Variants in MIPOL1 observed in about 807,000 individuals in gnomAD.
MIPOL1 encodes the protein mirror-image polydactyly gene 1 protein.
Under a neutral mutation model 60.9 loss-of-function variants are expected in MIPOL1, and 57 were observed. The observed-to-expected ratio is 0.94, with a 90% CI of 0.76 to 1.17. The LOEUF is 1.17. Ranked by LOEUF, MIPOL1 falls within the 50% of genes most tolerant of loss-of-function variation. The probability of loss-of-function intolerance (pLI) is 0.00; values close to 1 mark genes in which losing one functional copy is unlikely to be tolerated. For missense variants in MIPOL1, 551 were observed against 511.6 expected, an observed-to-expected ratio of 1.08 and a Z score of -0.74; for synonymous variants, 179 against 168.8, an observed-to-expected ratio of 1.06 and a Z score of -0.47.
At chr14:37,293,426 A>C (rs8018271) in intron 7 of MIPOL1, among the ~76,000 whole-genome samples, 1 of 152,064 alleles carries the variant, frequency 6.6e-6, no homozygotes, top group Non-Finnish European at 1.5e-5. Flanking sequence ...CTGAGGTACC[A>C]GGTTCATCTC....
intron 3 of MIPOL1, among the ~76,000 whole-genome samples, chr14:37,248,634 A>C (rs59526910): frequency 2.0e-5 from 3 of 151,814 alleles, no homozygotes; most frequent in Non-Finnish European, 2.9e-5. Flanking sequence ...ATCTATATCT[A>C]TATATATATC....
At chr14:37,495,376 C>T (rs1267424190) in intron 11 of MIPOL1, among the ~76,000 whole-genome samples, 26 of 147,136 alleles carry the variant, frequency 1.8e-4, no homozygotes, top group Non-Finnish European at 2.8e-4. Context: ...TGAGACTATG[C>T]GGTGTTTGGT....
intron 10 of MIPOL1, among the ~76,000 whole-genome samples, chr14:37,373,574 C>T (rs1328685228): frequency 1.3e-5 from 2 of 151,872 alleles, no homozygotes; most frequent in Non-Finnish European, 2.9e-5. Flanking sequence ...GTGTGATGGT[C>T]CCCTCCCTGT....
At chr14:37,217,843 C>G (rs1395693761) in intron 1 of MIPOL1, among the ~76,000 whole-genome samples, 1 of 152,124 alleles carries the variant, frequency 6.6e-6, no homozygotes, top group African/African-American at 2.4e-5. Flanking sequence ...ATAAGGATGC[C>G]CACTTTCACC....
chr14:37,503,792 A>G (rs1028970868), intron 12 of MIPOL1: 1 of 152,244 alleles, frequency 6.6e-6, no homozygotes, highest in Non-Finnish European at 1.5e-5. Flanking sequence ...AAATGCCCCA[A>G]TTAAAAGACA....
intron 10 of MIPOL1, among the ~76,000 whole-genome samples, chr14:37,393,506 C>T (rs892565392): frequency 6.6e-6 from 1 of 150,852 alleles, no homozygotes; most frequent in Non-Finnish European, 1.5e-5. Context: ...AACATCAAAC[C>T]TGGGTGGTTC....
chr14:37,219,072 C>T (rs1028400201), intron 1 of MIPOL1, among the ~76,000 whole-genome samples: 1 of 152,028 alleles, frequency 6.6e-6, no homozygotes, highest in African/African-American at 2.4e-5. Context: ...TGAGCATAGG[C>T]AAATGGGACT....
intron 1 of MIPOL1, among the ~76,000 whole-genome samples, chr14:37,200,856 G>C (rs1045725822): frequency 0.022 from 936 of 43,144 alleles, 16 homozygotes; most frequent in African/African-American, 0.13. Context: ...ATCTATGTGT[G>C]TGTGTGTGTG....
chr14:37,474,222 A>G (rs113050317), intron 11 of MIPOL1, among the ~76,000 whole-genome samples: 3,218 of 152,286 alleles, frequency 0.021, 100 homozygotes, highest in African/African-American at 0.072. Context: ...AAACTAGTAT[A>G]AACATACTTG....
intron 12 of MIPOL1, among the ~76,000 whole-genome samples, chr14:37,525,589 A>T (rs780715252): frequency 2.6e-5 from 4 of 152,192 alleles, no homozygotes; most frequent in Admixed American, 2.0e-4. Context: ...CCTTGGGTTT[A>T]TGTGTGTTTC....
chr14:37,232,952 A>G (rs898554318), intron 1 of MIPOL1, among the ~76,000 whole-genome samples: 1 of 152,218 alleles, frequency 6.6e-6, no homozygotes, highest in African/African-American at 2.4e-5. Context: ...CTAAGTGAGT[A>G]TATAAGTCTT....
In MIPOL1 at chr14:37,378,682, A is replaced by G. The variant is rs145266219; in HGVS notation, c.936+9058A>G. Among the ~76,000 whole-genome samples the G allele has an allele frequency of 3.2e-3, 490 of 151,660 alleles. 3 individuals are homozygous for G. Among genetic ancestry groups the G allele is most frequent in the Middle Eastern group, 0.01 (3 of 294 alleles). ...AAGGAAAGAATGTAAGAAGGAAGGG[A>G]TGAAAGAAAAGAGAGGGAGGGACGG... On this transcript the variant is annotated intron_variant, in intron 10 of 12. Coordinates refer to ENST00000684589, the MANE Select transcript of MIPOL1 (RefSeq NM_001388067.1).
At chr14:37,416,768 G>A (rs2093777765) in intron 10 of MIPOL1, among the ~76,000 whole-genome samples, 1 of 152,102 alleles carries the variant, frequency 6.6e-6, no homozygotes, top group African/African-American at 2.4e-5. Context: ...ACCGTAAACA[G>A]CAAGACCTCT....
intron 11 of MIPOL1, among the ~76,000 whole-genome samples, chr14:37,471,774 T>TG (rs2094692502): frequency 6.6e-6 from 1 of 152,180 alleles, no homozygotes; most frequent in South Asian, 2.1e-4. Flanking sequence ...TGTTCCTCCC[T>TG]GTACCTGAAA....
At chr14:37,514,390 T>G (rs1028693448) in intron 12 of MIPOL1, among the ~76,000 whole-genome samples, 2 of 152,176 alleles carry the variant, frequency 1.3e-5, no homozygotes, top group Non-Finnish European at 2.9e-5. Flanking sequence ...TAATTGTTAG[T>G]GTACTTTAAA....
At chr14:37,470,227 C>T (rs1430886185) in intron 11 of MIPOL1, among the ~76,000 whole-genome samples, 1 of 152,068 alleles carries the variant, frequency 6.6e-6, no homozygotes, top group Non-Finnish European at 1.5e-5. Flanking sequence ...TTATGAGGAT[C>T]TGTTGCTTAG....
intron 12 of MIPOL1, among the ~76,000 whole-genome samples, chr14:37,535,141 A>G (rs1345273323): frequency 6.6e-6 from 1 of 152,146 alleles, no homozygotes; most frequent in Non-Finnish European, 1.5e-5. Flanking sequence ...GTTTATGTTT[A>G]TTATTCACCT....
At chr14:37,532,650 G>GTGAA (rs1183026347) in intron 12 of MIPOL1, among the ~76,000 whole-genome samples, 9 of 152,146 alleles carry the variant, frequency 5.9e-5, no homozygotes, top group Non-Finnish European at 2.9e-5. Context: ...AACACGACAT[G>GTGAA]TGAACATGGT....
At chr14:37,353,938 C>T (rs538220135) in intron 9 of MIPOL1, among the ~76,000 whole-genome samples, 1 of 151,798 alleles carries the variant, frequency 6.6e-6, no homozygotes, top group South Asian at 2.1e-4. Context: ...TTATTTCTTG[C>T]CTTCTGCTAG....
Sources: allele counts gnomAD v4.1 joint callset (sites outside exome capture counted in the v4.1 genomes callset), GRCh38; gene constraint gnomAD v4.1.1; transcripts MANE v1.5; gene names NCBI Gene and HGNC (gene_info 2026-07-23, HGNC 2026-07-21).